CRADD: variants seen among roughly 807,000 people sequenced by gnomAD.
CRADD encodes death domain-containing protein CRADD.
CRADD carries 9 observed loss-of-function variants against 15.5 expected under a neutral mutation model. That is an observed-to-expected ratio of 0.58 (90% CI 0.35 to 1.01). The LOEUF (loss-of-function observed/expected upper bound fraction) is 1.01, where lower values mean the gene tolerates loss of function less well. CRADD is among the 50% of genes least tolerant of loss of function. The probability of loss-of-function intolerance (pLI) is 0.02; values close to 1 mark genes in which losing one functional copy is unlikely to be tolerated. For synonymous variants in CRADD, 118 were observed against 107.6 expected (o/e 1.10, Z -0.60); for missense variants, 227 against 250.3 (o/e 0.91, Z 0.63).
At chr12:93,866,921 G>T (rs1165344378) in intron 2 of CRADD, among the ~76,000 whole-genome samples, 1 of 152,164 alleles carries the variant, frequency 6.6e-6, no homozygotes. Context: ...ACTGTGCCAT[G>T]TATCCCACAC....
Position 93,779,710 on chromosome 12 carries a change from C to T in CRADD, c.299-70260C>T, listed in dbSNP as rs1957181430. On this transcript the variant is annotated intron_variant, in intron 2 of 2. Coordinates refer to ENST00000332896, the MANE Select transcript of CRADD (RefSeq NM_003805.5). ...GTTCAAGCGATTCTCCTGGCTTAGCCTCTGGAGTAGCTGGGACTACAGGTG... is the reference window on the plus strand; with the variant it reads ...GTTCAAGCGATTCTCCTGGCTTAGCTTCTGGAGTAGCTGGGACTACAGGTG... 3.3e-5 allele frequency among the ~76,000 whole-genome samples: 5 copies of T among 152,084 alleles called. No homozygotes were observed. In the South Asian group the frequency reaches 1.0e-3, roughly 32 times the overall value.
At chr12:93,711,266 C>T (rs1956069019) in intron 2 of CRADD, among the ~76,000 whole-genome samples, 3 of 151,916 alleles carry the variant, frequency 2.0e-5, no homozygotes, top group Admixed American at 1.3e-4. Context: ...GCCAGTTGCT[C>T]TGGGCTGAGA....
At chr12:93,829,981 C>G (rs1190056925) in intron 2 of CRADD, among the ~76,000 whole-genome samples, 1 of 152,112 alleles carries the variant, frequency 6.6e-6, no homozygotes, top group Non-Finnish European at 1.5e-5. Flanking sequence ...CATCAGCCAC[C>G]ACGCCCGGCG....
intron 2 of CRADD, among the ~76,000 whole-genome samples, chr12:93,809,538 C>G (rs539565183): frequency 2.7e-4 from 41 of 152,294 alleles, no homozygotes; most frequent in African/African-American, 9.6e-4. Context: ...CACAAAATCC[C>G]TTCCTTCTGT....
At chr12:93,734,669 C>G (rs1452812460) in intron 2 of CRADD, among the ~76,000 whole-genome samples, 1 of 152,200 alleles carries the variant, frequency 6.6e-6, no homozygotes, top group Non-Finnish European at 1.5e-5. Flanking sequence ...GTGCTTCCTT[C>G]CCAGCTCTGT....
chr12:93,842,814 G>A (rs759005182), intron 2 of CRADD, among the ~76,000 whole-genome samples: 8 of 150,290 alleles, frequency 5.3e-5, no homozygotes, highest in Non-Finnish European at 1.0e-4. Flanking sequence ...AAGTCAGGGC[G>A]GGGGTGGGGG....
chr12:93,800,581 GCTCTCTCTCT>G, intron 2 of CRADD, among the ~76,000 whole-genome samples: 1 of 148,894 alleles, frequency 6.7e-6, no homozygotes, highest in South Asian at 2.1e-4. Flanking sequence ...ACTTACTCCT[GCTCTCTCTCT>G]CTCTCTCTCT....
intron 2 of CRADD, among the ~76,000 whole-genome samples, chr12:93,880,673 A>G (rs1358548989): frequency 1.3e-5 from 2 of 152,254 alleles, no homozygotes; most frequent in Admixed American, 6.5e-5. Flanking sequence ...CCATGCTTCG[A>G]AAGGACTGTC....
At chr12:93,788,118 A>C (rs1957300497) in intron 2 of CRADD, among the ~76,000 whole-genome samples, 1 of 152,150 alleles carries the variant, frequency 6.6e-6, no homozygotes. Context: ...GTCTGTTCTT[A>C]TGCTGCTATG....
intron 2 of CRADD, among the ~76,000 whole-genome samples, chr12:93,890,443 G>A (rs1593063900): frequency 1.3e-5 from 2 of 152,286 alleles, no homozygotes; most frequent in East Asian, 3.9e-4. Context: ...ATTTTTAAAT[G>A]TTGGCAAGTA....
intron 2 of CRADD, among the ~76,000 whole-genome samples, chr12:93,741,368 C>T (rs1447422891): frequency 1.3e-5 from 2 of 152,136 alleles, no homozygotes; most frequent in African/African-American, 4.8e-5. Context: ...AGGTTATTTT[C>T]CAGTTTACTA....
intron 2 of CRADD, among the ~76,000 whole-genome samples, chr12:93,842,765 AC>A (rs1351837932): frequency 7.2e-6 from 1 of 139,480 alleles, no homozygotes; most frequent in East Asian, 2.4e-4. Flanking sequence ...TCACGTAGTG[AC>A]CACAGAAATG....
chr12:93,721,215 G>A (rs1465724630), intron 2 of CRADD, among the ~76,000 whole-genome samples: 1 of 152,102 alleles, frequency 6.6e-6, no homozygotes, highest in East Asian at 1.9e-4. Flanking sequence ...ACAGATGTGA[G>A]CCACCATGCT....
At chr12:93,844,556 A>G (rs1392613320) in intron 2 of CRADD, among the ~76,000 whole-genome samples, 1 of 152,164 alleles carries the variant, frequency 6.6e-6, no homozygotes, top group African/African-American at 2.4e-5. Flanking sequence ...TACAAGGGCT[A>G]AGTGACCCTG....
intron 2 of CRADD, among the ~76,000 whole-genome samples, chr12:93,831,655 G>T (rs960127255): frequency 6.6e-6 from 1 of 152,250 alleles, no homozygotes; most frequent in East Asian, 1.9e-4. Context: ...TGTGCTAGGG[G>T]CTAGCTGTGA....
rs189065093 is a variant in CRADD, at chr12:93,766,083, C to T, written c.299-83887C>T. 1.4e-3 allele frequency among the ~76,000 whole-genome samples: 217 copies of T among 152,322 alleles called. 1 individual carries two copies. Among genetic ancestry groups the T allele is most frequent in the African/African-American group, 5.0e-3 (209 of 41,566 alleles). ...TCATATTTGAAGGGAAAGCATTCTA[C>T]AAGAAATCTTATTTTTGAGATATAG... is the stretch of plus-strand genomic sequence containing the variant. On this transcript the variant is annotated intron_variant, in intron 2 of 2. Transcript: ENST00000332896.
intron 2 of CRADD, among the ~76,000 whole-genome samples, chr12:93,722,833 G>A (rs1956288715): frequency 6.6e-6 from 1 of 152,096 alleles, no homozygotes; most frequent in Non-Finnish European, 1.5e-5. Flanking sequence ...TGCTTGGTCT[G>A]TCTCTTCAAA....
At chr12:93,766,707 C>G (rs1045660740) in intron 2 of CRADD, among the ~76,000 whole-genome samples, 2 of 152,164 alleles carry the variant, frequency 1.3e-5, no homozygotes, top group African/African-American at 4.8e-5. Flanking sequence ...AGCACTGCAC[C>G]CATTTCAGAA....
chr12:93,875,714 C>T (rs1958453865), intron 2 of CRADD, among the ~76,000 whole-genome samples: 1 of 152,058 alleles, frequency 6.6e-6, no homozygotes, highest in Admixed American at 6.5e-5. Flanking sequence ...TTAACTTTGT[C>T]CCCTTGCTTT....
Sources: gnomAD v4.1 joint callset for allele counts (sites outside exome capture counted in the v4.1 genomes callset) on GRCh38, gnomAD v4.1.1 for gene constraint, MANE v1.5 for transcripts, NCBI Gene and HGNC (gene_info 2026-07-23, HGNC 2026-07-21) for gene names.